The following GHR variants were observed in gnomAD, a reference collection of about 807,000 sequenced individuals.
GHR encodes the protein GH receptor.
In GHR, 35 loss-of-function variants were observed where a neutral mutation model predicts 67.1. That is an observed-to-expected ratio of 0.52 (90% CI 0.40 to 0.69). The LOEUF is 0.69. GHR is among the 30% of genes least tolerant of loss of function. The pLI, the probability that GHR is intolerant of heterozygous loss-of-function variation, is 0.00. For synonymous variants in GHR, 272 were observed against 269.1 expected (o/e 1.01, Z -0.10); for missense variants, 792 against 764.6 (o/e 1.04, Z -0.42).
intron 1 of GHR, among the ~76,000 whole-genome samples, chr5:42,508,734 C>T (rs1417295171): frequency 2.6e-5 from 4 of 152,104 alleles, no homozygotes; most frequent in East Asian, 1.9e-4. Context: ...CCACCACGCC[C>T]GGCTAATTTT....
intron 1 of GHR, among the ~76,000 whole-genome samples, chr5:42,454,606 C>G (rs957075370): frequency 6.6e-6 from 1 of 152,170 alleles, no homozygotes. Flanking sequence ...ATTATGGCTG[C>G]CTCTGTGGCA....
At chr5:42,647,402 T>C (rs543887514) in intron 3 of GHR, among the ~76,000 whole-genome samples, 17 of 151,744 alleles carry the variant, frequency 1.1e-4, no homozygotes, top group African/African-American at 4.1e-4. Flanking sequence ...GTGAAACCCC[T>C]TCTCTAATAA....
In GHR at chr5:42,524,164, G is replaced by A. The variant is rs1579866849; in HGVS notation, c.-11-41700G>A. On this transcript the variant is annotated intron_variant, in intron 1 of 9. Coordinates refer to ENST00000230882, the MANE Select transcript of GHR (RefSeq NM_000163.5). ...TGGGTAACTGGCAGAGTTTGGAAGAGTTTGGAGGGCTCAGAAGAAGACAGG... is the reference window on the plus strand; with the variant it reads ...TGGGTAACTGGCAGAGTTTGGAAGAATTTGGAGGGCTCAGAAGAAGACAGG... Among the ~76,000 whole-genome samples the A allele has an allele frequency of 2.6e-5, 4 of 152,324 alleles. No homozygotes were observed. The South Asian group carries it at 8.3e-4, about 32-fold the overall frequency.
intron 3 of GHR, among the ~76,000 whole-genome samples, chr5:42,637,428 T>C (rs994773430): frequency 1.3e-5 from 2 of 152,190 alleles, no homozygotes; most frequent in Non-Finnish European, 2.9e-5. Flanking sequence ...TATTACTTGA[T>C]GTTTTTCAAC....
In GHR at chr5:42,491,960, C is replaced by T. The variant is rs114253703; in HGVS notation, c.-12+68005C>T. The stretch of plus-strand genomic sequence containing the variant: ...GATATGGAGACCTTGAATAGCAAGC[C>T]GACTGAGGAATGCATGAAAGAATGA... On this transcript the variant is annotated intron_variant, in intron 1 of 9. Transcript: ENST00000230882. Among the ~76,000 whole-genome samples the T allele has an allele frequency of 1.5e-4, 23 of 152,194 alleles. No homozygotes were observed. The South Asian group carries it at 3.9e-3, about 26-fold the overall frequency.
chr5:42,628,555 A>C lies in GHR; in HGVS notation c.71-483A>C, dbSNP rs1423722561. Reference sequence around the variant, plus strand: ...AGGATGTCTTGAAGTGGGGACTTGCAGGTCATAGTTTGGTTCAGAGATTCT... The same window carrying C: ...AGGATGTCTTGAAGTGGGGACTTGCCGGTCATAGTTTGGTTCAGAGATTCT... On this transcript the variant is annotated intron_variant, in intron 2 of 9. Transcript: ENST00000230882. 5.3e-5 allele frequency among the ~76,000 whole-genome samples: 7 copies of C among 132,080 alleles called. 1 individual carries two copies. Among genetic ancestry groups the C allele is most frequent in the Admixed American group, 5.1e-4 (7 of 13,692 alleles). 86.6% of individuals were successfully genotyped at this position (132,080 alleles called of 152,430 possible). A position where few individuals can be genotyped will look rare whatever the true frequency, so the allele number is the denominator to read the frequency against.
At chr5:42,501,857 A>G (rs926302338) in intron 1 of GHR, among the ~76,000 whole-genome samples, 5 of 152,226 alleles carry the variant, frequency 3.3e-5, no homozygotes, top group Non-Finnish European at 7.3e-5. Flanking sequence ...TATACTGCCA[A>G]AATGGTTAGA....
In GHR at chr5:42,695,798, A is replaced by G. The variant is rs987491205; in HGVS notation, c.439+709A>G. Among the ~76,000 whole-genome samples the G allele has an allele frequency of 2.8e-4, 43 of 152,224 alleles. 1 individual carries two copies. Among genetic ancestry groups the G allele is most frequent in the African/African-American group, 1.0e-3 (43 of 41,470 alleles). On this transcript the variant is annotated intron_variant, in intron 5 of 9. Transcript: ENST00000230882. ...ATCAAAGAAGGACTTTGAGTAGCTG[A>G]AATTAGTGCCTCAAAATCTATCCAC...
chr5:42,651,550 C>G (rs1755018377), intron 3 of GHR, among the ~76,000 whole-genome samples: 1 of 152,166 alleles, frequency 6.6e-6, no homozygotes. Context: ...AGAGGACATA[C>G]TTCTTAAAGT....
intron 1 of GHR, among the ~76,000 whole-genome samples, chr5:42,482,552 T>C (rs973280197): frequency 6.6e-6 from 1 of 152,216 alleles, no homozygotes; most frequent in South Asian, 2.1e-4. Flanking sequence ...TCCTGGCCGC[T>C]TTATTTACCT....
intron 2 of GHR, among the ~76,000 whole-genome samples, chr5:42,619,369 G>C (rs1199274698): frequency 6.6e-6 from 1 of 151,866 alleles, no homozygotes. Flanking sequence ...CTATATTCTT[G>C]CTTCATATTG....
At chr5:42,513,736 C>T (rs953364284) in intron 1 of GHR, among the ~76,000 whole-genome samples, 2 of 151,734 alleles carry the variant, frequency 1.3e-5, no homozygotes, top group African/African-American at 2.4e-5. Context: ...GAGCCAAGAT[C>T]GCGCCATTGC....
At chr5:42,453,882 T>C (rs1370793605) in intron 1 of GHR, among the ~76,000 whole-genome samples, 1 of 152,162 alleles carries the variant, frequency 6.6e-6, no homozygotes, top group Non-Finnish European at 1.5e-5. Context: ...GGTGCAGACT[T>C]TCCCTACTGC....
chr5:42,638,797 C>T (rs1754326648), intron 3 of GHR, among the ~76,000 whole-genome samples: 1 of 152,038 alleles, frequency 6.6e-6, no homozygotes. Flanking sequence ...TATGTTTGTG[C>T]TTGCATTCAT....
chr5:42,582,009 G>A (rs1055336156), intron 2 of GHR, among the ~76,000 whole-genome samples: 1 of 152,254 alleles, frequency 6.6e-6, no homozygotes, highest in Non-Finnish European at 1.5e-5. Flanking sequence ...ACCTGGTCAG[G>A]TGTGCACACA....
intron 1 of GHR, among the ~76,000 whole-genome samples, chr5:42,554,164 T>C (rs1386748162): frequency 6.6e-6 from 1 of 152,192 alleles, no homozygotes; most frequent in African/African-American, 2.4e-5. Flanking sequence ...AATTCATCTA[T>C]GATAAAGCCA....
chr5:42,678,461 C>T (rs1414989360), intron 3 of GHR, among the ~76,000 whole-genome samples: 1 of 152,128 alleles, frequency 6.6e-6, no homozygotes, highest in African/African-American at 2.4e-5. Flanking sequence ...CAGCCCTGCA[C>T]ATAGGTACAC....
chr5:42,536,340 G>T (rs1748255876), intron 1 of GHR, among the ~76,000 whole-genome samples: 1 of 152,032 alleles, frequency 6.6e-6, no homozygotes, highest in South Asian at 2.1e-4. Flanking sequence ...TATGCCCCTT[G>T]TATGCCAATT....
At chr5:42,426,177 G>A (rs548706754) in intron 1 of GHR, among the ~76,000 whole-genome samples, 31 of 152,262 alleles carry the variant, frequency 2.0e-4, no homozygotes, top group African/African-American at 7.5e-4. Context: ...TATCTTGTTA[G>A]CTCAGGACAT....
Sources: allele counts gnomAD v4.1 joint callset (sites outside exome capture counted in the v4.1 genomes callset), GRCh38; gene constraint gnomAD v4.1.1; transcripts MANE v1.5; gene names NCBI Gene and HGNC (gene_info 2026-07-23, HGNC 2026-07-21).